The following MCPH1 variants were observed in gnomAD, a reference collection of about 807,000 sequenced individuals.
MCPH1 encodes the protein microcephalin 1.
A neutral mutation model predicts 84.5 loss-of-function variants in MCPH1; 104 were observed. That is an observed-to-expected ratio of 1.23 (90% CI 1.05 to 1.45). The LOEUF is 1.45. Ranked by LOEUF, MCPH1 falls within the 40% of genes most tolerant of loss-of-function variation. The probability of loss-of-function intolerance (pLI) is 0.00; values close to 1 mark genes in which losing one functional copy is unlikely to be tolerated. For synonymous variants in MCPH1, 514 were observed against 366.8 expected, an observed-to-expected ratio of 1.40 and a Z score of -4.58; for missense variants, 1,498 against 1,005.7, an observed-to-expected ratio of 1.49 and a Z score of -6.62.
At chr8:6,639,570 G>A (rs1797788560) in intron 13 of MCPH1, among the ~76,000 whole-genome samples, 1 of 151,984 alleles carries the variant, frequency 6.6e-6, no homozygotes, top group South Asian at 2.1e-4. Context: ...CGTCAAGGTG[G>A]GAGGATCACT....
intron 11 of MCPH1, among the ~76,000 whole-genome samples, chr8:6,491,232 C>G (rs1010507892): frequency 5.3e-5 from 8 of 151,324 alleles, no homozygotes; most frequent in Non-Finnish European, 1.0e-4. Flanking sequence ...ATTTTTTTGC[C>G]ATACAATTAA....
intron 13 of MCPH1, among the ~76,000 whole-genome samples, chr8:6,637,867 T>C (rs893391454): frequency 8.5e-5 from 13 of 152,112 alleles, no homozygotes; most frequent in African/African-American, 2.9e-4. Flanking sequence ...ATGGAGGTGT[T>C]GTGAAGTTGT....
chr8:6,518,152 G>C (rs1264549998), intron 12 of MCPH1, among the ~76,000 whole-genome samples: 1 of 152,156 alleles, frequency 6.6e-6, no homozygotes, highest in Non-Finnish European at 1.5e-5. Flanking sequence ...ATGAAACAAT[G>C]TGATGGGGCT....
chr8:6,493,940 A>AT (rs34395353), intron 11 of MCPH1, among the ~76,000 whole-genome samples: 21 of 147,694 alleles, frequency 1.4e-4, no homozygotes, highest in East Asian at 7.9e-4. Context: ...GAAATAGTAA[A>AT]TTTTTTTTTT....
At chr8:6,638,351 C>A (rs540025651) in intron 13 of MCPH1, among the ~76,000 whole-genome samples, 1 of 152,220 alleles carries the variant, frequency 6.6e-6, no homozygotes, top group Non-Finnish European at 1.5e-5. Context: ...TCACATGGGT[C>A]CCGTGTGCTC....
intron 12 of MCPH1, among the ~76,000 whole-genome samples, chr8:6,504,435 T>C (rs975773518): frequency 6.6e-6 from 1 of 151,816 alleles, no homozygotes; most frequent in Non-Finnish European, 1.5e-5. Context: ...ATCTCCTCTA[T>C]CCAGTGGATC....
intron 12 of MCPH1, among the ~76,000 whole-genome samples, chr8:6,518,074 A>T (rs1454671986): frequency 2.0e-5 from 3 of 149,966 alleles, no homozygotes; most frequent in Non-Finnish European, 4.5e-5. Context: ...TATTTCAGTT[A>T]TTCTGGGGGC....
At chr8:6,473,454 C>G (rs1364930401) in intron 9 of MCPH1, among the ~76,000 whole-genome samples, 2 of 150,932 alleles carry the variant, frequency 1.3e-5, no homozygotes, top group African/African-American at 2.4e-5. Flanking sequence ...GCCTCGGCCT[C>G]CCAAGTAGCT....
At chr8:6,444,137 A>G (rs1162648029) in intron 7 of MCPH1, among the ~76,000 whole-genome samples, 1 of 152,236 alleles carries the variant, frequency 6.6e-6, no homozygotes, top group Non-Finnish European at 1.5e-5. Flanking sequence ...AAATTTGCCT[A>G]AAATTTTTAG....
intron 12 of MCPH1, chr8:6,527,727 C>G (rs1239071342): frequency 1.3e-6 from 2 of 1,493,780 alleles, no homozygotes; most frequent in Admixed American, 2.1e-5. Flanking sequence ...ATTAGTTTAA[C>G]TTTCTAACTT....
intron 13 of MCPH1, chr8:6,626,397 T>C (rs377139988): frequency 2.4e-5 from 24 of 985,232 alleles, no homozygotes; most frequent in Non-Finnish European, 2.8e-5. Context: ...TGAAACTGTA[T>C]TGTACTTGGG....
At chr8:6,416,573 A>C (rs1392473187) in intron 3 of MCPH1, among the ~76,000 whole-genome samples, 1 of 152,184 alleles carries the variant, frequency 6.6e-6, no homozygotes, top group Admixed American at 6.5e-5. Flanking sequence ...ACTGATCATC[A>C]TGTGATTTTT....
At position 6,563,181 on chromosome 8, in the gene MCPH1, T is replaced by C. The variant is rs1825817095; in HGVS notation, c.2215-58273T>C. 4 of 361,780 alleles carry C rather than the reference T, an allele frequency of 1.1e-5. No individual in the cohort carries two copies. The East Asian group carries it at 1.8e-4, about 16-fold the overall frequency. 22.4% of individuals were successfully genotyped at this position (361,780 alleles called of 1,614,324 possible). ...GTCCTGCTCACTTGGGAGGGCTGTG[T>C]CAGCTTTTACAGAGCAGCTTTCACG... On this transcript the variant is annotated intron_variant, in intron 12 of 13. Transcript: ENST00000344683.
intron 11 of MCPH1, among the ~76,000 whole-genome samples, chr8:6,483,857 CAAAGA>C (rs143306840): frequency 0.13 from 20,100 of 151,150 alleles, 1,498 homozygotes; most frequent in Middle Eastern, 0.27. Flanking sequence ...GACACCCTGT[CAAAGA>C]AAAGAAAAGA....
rs1818623700 is a variant in MCPH1, at chr8:6,527,787, T to C, written c.2214+27858T>C. The C allele has an allele frequency of 4.9e-6, 5 of 1,019,534 alleles. No homozygotes were observed. In the South Asian group the frequency reaches 8.9e-5, roughly 18 times the overall value. The allele number at this position is 1,019,534 out of a possible 1,614,324, so 63.2% of individuals were successfully genotyped here. A position where few individuals can be genotyped will look rare whatever the true frequency, so the allele number is the denominator to read the frequency against. ...ACAGGAAAACATAACAAAAACATTA[T>C]TTATTAACCCAAGTATCTTATTTTG... is the stretch of plus-strand genomic sequence containing the variant. On this transcript the variant is annotated intron_variant, in intron 12 of 13. Coordinates refer to ENST00000344683, the MANE Select transcript of MCPH1 (RefSeq NM_024596.5).
rs141218500 is a variant in MCPH1 at position 6,445,438 on chromosome 8, C to T, written c.1716C>T (p.Asn572=). The T allele has an allele frequency of 2.2e-4, 361 of 1,614,242 alleles. No homozygotes were observed. In the African/African-American group the frequency reaches 4.6e-3, roughly 20 times the overall value. ...AAGGTACCACTTCCAAAATATCAAA[C>T]TCCTCTGAAGGCGAAGCCCAGAGTG... is the stretch of plus-strand genomic sequence containing the variant. ...QNKGTTSKIS[N]SSEGEAQSEH... The change falls in exon 8 of 14, where the codon AAC becomes AAT. Residue 572 remains asparagine, a synonymous_variant. Coordinates refer to ENST00000344683, the MANE Select transcript of MCPH1 (RefSeq NM_024596.5).
In MCPH1 at chr8:6,446,330, A is replaced by C. The variant is rs577752316; in HGVS notation, c.1825+783A>C. On this transcript the variant is annotated intron_variant, in intron 8 of 13. Transcript: ENST00000344683. ...TACCTAAAGATTAGGTTAAAATTTG[A>C]GTGAGAACGCATTCTCTCTGCATGA... 9.4e-5 allele frequency: 93 copies of C among 985,250 alleles called. No individual in the cohort carries two copies. In the African/African-American group the frequency reaches 1.6e-3, roughly 16 times the overall value. 61.0% of individuals were successfully genotyped at this position (985,250 alleles called of 1,614,324 possible).
chr8:6,416,982 G>T (rs1266929292), intron 3 of MCPH1, among the ~76,000 whole-genome samples: 2 of 149,424 alleles, frequency 1.3e-5, no homozygotes, highest in Admixed American at 6.6e-5. Flanking sequence ...CGACAAGAGC[G>T]GGGAAAAAAA....
chr8:6,545,417 C>T (rs1447259125), intron 12 of MCPH1, among the ~76,000 whole-genome samples: 1 of 152,124 alleles, frequency 6.6e-6, no homozygotes, highest in Admixed American at 6.6e-5. Context: ...TTTGTTGTGA[C>T]ACTATGACCC....
Sources: gnomAD v4.1 joint callset for allele counts (sites outside exome capture counted in the v4.1 genomes callset) on GRCh38, gnomAD v4.1.1 for gene constraint, MANE v1.5 for transcripts, NCBI Gene and HGNC (gene_info 2026-07-23, HGNC 2026-07-21) for gene names.